The following SNRPN variants were observed in gnomAD, a reference collection of about 807,000 sequenced individuals.
The protein encoded by SNRPN is small nuclear ribonucleoprotein-associated protein N.
A neutral mutation model predicts 25.2 loss-of-function variants in SNRPN; 7 were observed. That is an observed-to-expected ratio of 0.28 (90% CI 0.16 to 0.52). The LOEUF is 0.52. Among genes scored for constraint, SNRPN ranks in the 20% least tolerant of loss-of-function variants. The probability of loss-of-function intolerance (pLI) is 0.96; values close to 1 mark genes in which losing one functional copy is unlikely to be tolerated. For synonymous variants in SNRPN, 124 were observed against 110.6 expected (o/e 1.12, Z -0.76); for missense variants, 196 against 322.5 (o/e 0.61, Z 3.00).
intron 3 of SNRPN, among the ~76,000 whole-genome samples, chr15:24,924,660 T>A (rs1463379148): frequency 2.0e-5 from 3 of 151,962 alleles, no homozygotes; most frequent in Non-Finnish European, 4.4e-5. Context: ...TTTTTTTTTT[T>A]TTATTTCTTG....
chr15:24,834,891 T>C (rs1481410953), intron 2 of SNRPN, among the ~76,000 whole-genome samples: 1 of 131,564 alleles, frequency 7.6e-6, no homozygotes, highest in African/African-American at 2.9e-5. Context: ...GCCACTGCAC[T>C]CCAGCCTGGG....
At chr15:24,967,642 A>T (rs1596282940) in intron 2 of SNRPN, among the ~76,000 whole-genome samples, 1 of 55,370 alleles carries the variant, frequency 1.8e-5, no homozygotes, top group Non-Finnish European at 3.8e-5. Flanking sequence ...ACTCTGTCTT[A>T]AAAAAAAAAA....
intron 2 of SNRPN, among the ~76,000 whole-genome samples, chr15:24,832,156 C>T (rs1188465376): frequency 6.6e-6 from 1 of 151,500 alleles, no homozygotes; most frequent in Admixed American, 6.6e-5. Context: ...CTATCTTTAT[C>T]AACACTAACT....
chr15:24,893,589 G>C (rs771668833), intron 2 of SNRPN, among the ~76,000 whole-genome samples: 5 of 152,132 alleles, frequency 3.3e-5, no homozygotes, highest in Admixed American at 2.0e-4. Flanking sequence ...CTACACTCCA[G>C]CCTGGGTGAC....
chr15:24,854,789 G>A (rs903149118), upstream of SNRPN, among the ~76,000 whole-genome samples: 14 of 152,270 alleles, frequency 9.2e-5, no homozygotes, highest in Middle Eastern at 3.4e-3. Context: ...GAATGCTTGA[G>A]CTCAGGAGTT....
chr15:24,958,456 T>C (rs565637586), intron 1 of SNRPN, among the ~76,000 whole-genome samples: 17 of 146,054 alleles, frequency 1.2e-4, no homozygotes, highest in Non-Finnish European at 4.5e-5. Context: ...AGGTAGCCTC[T>C]CTCCATTTCT....
chr15:24,896,700 C>T lies in SNRPN; in HGVS notation c.-505+10111C>T, dbSNP rs374657063. On this transcript the variant is annotated intron_variant, in intron 2 of 11. Coordinates refer to the SNRPN transcript ENST00000400097. ...CTGCACTCCAGCCTGGGCAACAGAG[C>T]GAGACTCCGTCTAAAAAAAAAATGG... Among the ~76,000 whole-genome samples, 243 of 150,794 alleles carry T rather than the reference C, an allele frequency of 1.6e-3. 1 individual carries two copies. The highest frequency in any genetic ancestry group is 5.7e-3 in the African/African-American group (234 of 40,900).
chr15:24,874,940 A>G (rs1272422851), intron 1 of SNRPN, among the ~76,000 whole-genome samples: 1 of 152,194 alleles, frequency 6.6e-6, no homozygotes, highest in Non-Finnish European at 1.5e-5. Flanking sequence ...CATAGAAGTG[A>G]TATAAGACTA....
chr15:24,966,561 CT>C (rs1212100350), intron 2 of SNRPN, among the ~76,000 whole-genome samples: 2 of 152,120 alleles, frequency 1.3e-5, no homozygotes, highest in Admixed American at 1.3e-4. Flanking sequence ...TTTGTTTGAT[CT>C]TTTGTGGCCT....
chr15:24,881,913 A>C (rs2056727616), intron 1 of SNRPN, among the ~76,000 whole-genome samples: 1 of 152,146 alleles, frequency 6.6e-6, no homozygotes, highest in South Asian at 2.1e-4. Context: ...CTGGGCAGGC[A>C]AAAGAGCGCT....
At chr15:24,957,462 G>C (rs1406714015) in intron 1 of SNRPN, among the ~76,000 whole-genome samples, 1 of 152,144 alleles carries the variant, frequency 6.6e-6, no homozygotes, top group Non-Finnish European at 1.5e-5. Flanking sequence ...GGTGAGAAAG[G>C]TTAATGAATA....
intron 3 of SNRPN, among the ~76,000 whole-genome samples, chr15:24,922,890 CTTTTTT>C (rs71412618): frequency 4.4e-5 from 3 of 68,178 alleles, no homozygotes; most frequent in African/African-American, 6.1e-5. Context: ...TAGGCAGATC[CTTTTTT>C]TTTTTTTTTT....
intron 1 of SNRPN, among the ~76,000 whole-genome samples, chr15:24,883,330 C>G (rs1049842992): frequency 1.3e-4 from 20 of 152,232 alleles, no homozygotes; most frequent in Non-Finnish European, 2.5e-4. Context: ...GCAGGAAAGG[C>G]ACCTTGGCCA....
chr15:24,834,085 C>A (rs1179697532), intron 2 of SNRPN, among the ~76,000 whole-genome samples: 2 of 152,090 alleles, frequency 1.3e-5, no homozygotes, highest in Non-Finnish European at 2.9e-5. Context: ...GCCACCACAC[C>A]CAGCTAATTT....
chr15:24,907,900 A>C (rs888205489), intron 2 of SNRPN, among the ~76,000 whole-genome samples: 1 of 151,668 alleles, frequency 6.6e-6, no homozygotes, highest in Non-Finnish European at 1.5e-5. Flanking sequence ...TAAAAATACA[A>C]AAATTAGCTG....
intron 2 of SNRPN, among the ~76,000 whole-genome samples, chr15:24,847,583 G>A (rs913107681): frequency 6.6e-5 from 10 of 152,146 alleles, no homozygotes; most frequent in African/African-American, 2.4e-4. Context: ...AGGTTGTAGT[G>A]AGCCGAGATC....
intron 2 of SNRPN, chr15:24,912,678 G>C (rs1048615189): frequency 5.9e-5 from 9 of 152,144 alleles, no homozygotes; most frequent in African/African-American, 2.2e-4. Context: ...TAAGCCATGA[G>C]GGCTCTGCTC....
chr15:24,950,926 A>T (rs186896323), upstream of SNRPN, among the ~76,000 whole-genome samples: 50 of 150,882 alleles, frequency 3.3e-4, no homozygotes, highest in East Asian at 9.4e-3. Context: ...CAGTGGTGCA[A>T]TCTCCCTCAC....
At chr15:24,867,288 T>G (rs115536147) in intron 1 of SNRPN, among the ~76,000 whole-genome samples, 2,785 of 152,292 alleles carry the variant, frequency 0.018, 99 homozygotes, top group African/African-American at 0.065. Context: ...TTATCTTTAC[T>G]CTTTTTAATA....
Sources: allele counts gnomAD v4.1 joint callset (sites outside exome capture counted in the v4.1 genomes callset), GRCh38; gene constraint gnomAD v4.1.1; transcripts MANE v1.5; gene names NCBI Gene and HGNC (gene_info 2026-07-23, HGNC 2026-07-21).